HSD17B12: variants seen among roughly 807,000 people sequenced by gnomAD.
HSD17B12 encodes the protein very-long-chain 3-oxoacyl-CoA reductase.
A neutral mutation model predicts 39.3 loss-of-function variants in HSD17B12; 32 were observed. The observed-to-expected ratio is 0.81, with a 90% CI of 0.61 to 1.09. The LOEUF (loss-of-function observed/expected upper bound fraction) is 1.09. Ranked by LOEUF, HSD17B12 falls within the 50% of genes least tolerant of loss-of-function variation. The pLI is 0.00. For missense variants in HSD17B12, 342 were observed against 382.9 expected (o/e 0.89, Z 0.89); for synonymous variants, 150 against 146.7 (o/e 1.02, Z -0.16).
At chr11:43,734,079 A>G in intron 1 of HSD17B12, 1 of 997,144 alleles carries the variant, frequency 1.0e-6, no homozygotes, top group Admixed American at 1.7e-5. Context: ...TATCTTCACC[A>G]GCATCGGAGA....
At chr11:43,661,827 A>G in the HSD17B12 span, among the ~76,000 whole-genome samples, 13 of 152,334 alleles carry the variant, frequency 8.5e-5, no homozygotes, top group Non-Finnish European at 1.5e-4. Context: ...TTATATTGAA[A>G]TTATGATATG....
chr11:43,844,633 G>T (rs1163995542), intron 9 of HSD17B12, among the ~76,000 whole-genome samples: 1 of 152,118 alleles, frequency 6.6e-6, no homozygotes, highest in East Asian at 1.9e-4. Flanking sequence ...CTAGGTAGTG[G>T]GCCCTAGCCC....
the HSD17B12 span, among the ~76,000 whole-genome samples, chr11:43,573,979 T>C: frequency 2.0e-5 from 3 of 152,202 alleles, no homozygotes; most frequent in Non-Finnish European, 4.4e-5. Flanking sequence ...CTCCCTCTCA[T>C]TGATATTTCT....
chr11:43,683,462 C>A (rs1163253538), intron 1 of HSD17B12, among the ~76,000 whole-genome samples: 1 of 151,688 alleles, frequency 6.6e-6, no homozygotes, highest in Admixed American at 6.6e-5. Context: ...TCTTCAAATT[C>A]TGGGACTCTT....
At chr11:43,568,433 C>T in the HSD17B12 span, among the ~76,000 whole-genome samples, 2 of 152,150 alleles carry the variant, frequency 1.3e-5, no homozygotes, top group South Asian at 4.2e-4. Flanking sequence ...TTTAATTCAG[C>T]CCTCGAGGCA....
the HSD17B12 span, among the ~76,000 whole-genome samples, chr11:43,572,189 C>T: frequency 6.6e-6 from 1 of 152,168 alleles, no homozygotes. Context: ...ATGTCAAGTT[C>T]ACTGCATCTC....
chr11:43,665,741 A>G, the HSD17B12 span, among the ~76,000 whole-genome samples: 5 of 152,164 alleles, frequency 3.3e-5, no homozygotes, highest in Non-Finnish European at 5.9e-5. Flanking sequence ...TATTCCTGAT[A>G]TGCTTTGCTC....
the HSD17B12 span, among the ~76,000 whole-genome samples, chr11:43,647,310 C>G: frequency 3.3e-5 from 5 of 152,108 alleles, no homozygotes; most frequent in Admixed American, 2.0e-4. Flanking sequence ...GGGTCTTACT[C>G]TGTCACCCAG....
chr11:43,817,034 C>CTA (rs1190622271), intron 6 of HSD17B12, among the ~76,000 whole-genome samples: 89 of 17,538 alleles, frequency 5.1e-3, no homozygotes, highest in Middle Eastern at 0.071. Context: ...ATATCTATAT[C>CTA]TATATCTATA....
chr11:43,567,286 C>T, the HSD17B12 span, among the ~76,000 whole-genome samples: 21 of 152,302 alleles, frequency 1.4e-4, no homozygotes, highest in African/African-American at 5.1e-4. Context: ...TAAGCTCCAG[C>T]CTCAGCCTCC....
At chr11:43,616,422 AAAC>A in the HSD17B12 span, among the ~76,000 whole-genome samples, 38 of 138,954 alleles carry the variant, frequency 2.7e-4, 6 homozygotes, top group South Asian at 6.4e-4. Flanking sequence ...AAAAAACAAA[AAAC>A]AAAAAAAAAA....
At chr11:43,736,433 G>A (rs1013673729) in intron 1 of HSD17B12, among the ~76,000 whole-genome samples, 4 of 152,148 alleles carry the variant, frequency 2.6e-5, no homozygotes, top group African/African-American at 4.8e-5. Context: ...GTAAAGAGTC[G>A]AAGAGAGGGC....
rs143025111 is a variant in HSD17B12, at chr11:43,730,359, G to A, written c.161-20552G>A. Among the ~76,000 whole-genome samples, 539 of 152,282 alleles carry A rather than the reference G, an allele frequency of 3.5e-3. 2 individuals carry two copies. Among genetic ancestry groups the A allele is most frequent in the Non-Finnish European group, 5.6e-3 (384 of 68,014 alleles). On this transcript the variant is annotated intron_variant, in intron 1 of 10. Transcript: ENST00000278353. ...TTTATCTGGAAGTGAATTTCACTGA[G>A]TGTTCATTTTGAAAAGTCTGTTAGT...
At chr11:43,634,098 A>AAAAAAAAAAAAAAAAAAAAAAAAAAAT in the HSD17B12 span, among the ~76,000 whole-genome samples, 1 of 149,616 alleles carries the variant, frequency 6.7e-6, no homozygotes, top group South Asian at 2.1e-4. Context: ...AAAAAAAAAA[A>AAAAAAAAAAAAAAAAAAAAAAAAAAAT]AAAAAAAAAA....
At chr11:43,662,521 CAAAAA>C in the HSD17B12 span, among the ~76,000 whole-genome samples, 1 of 104,066 alleles carries the variant, frequency 9.6e-6, no homozygotes, top group African/African-American at 3.5e-5. Context: ...GGCCACATCT[CAAAAA>C]AAAAAAAAGA....
the HSD17B12 span, among the ~76,000 whole-genome samples, chr11:43,567,710 A>G: frequency 1.3e-5 from 2 of 152,232 alleles, no homozygotes; most frequent in African/African-American, 4.8e-5. Flanking sequence ...AAGGAAGATG[A>G]AACTGCAGAT....
chr11:43,695,258 G>A (rs138436627), intron 1 of HSD17B12, among the ~76,000 whole-genome samples: 1 of 152,190 alleles, frequency 6.6e-6, no homozygotes, highest in African/African-American at 2.4e-5. Context: ...GTGAGCCACC[G>A]TGTCCGGCCC....
At chr11:43,602,954 C>T in the HSD17B12 span, among the ~76,000 whole-genome samples, 1 of 152,050 alleles carries the variant, frequency 6.6e-6, no homozygotes, top group Non-Finnish European at 1.5e-5. Context: ...GAGCTTGTTT[C>T]ATTTCAAAGA....
At chr11:43,666,829 A>G in the HSD17B12 span, among the ~76,000 whole-genome samples, 1 of 152,260 alleles carries the variant, frequency 6.6e-6, no homozygotes, top group Non-Finnish European at 1.5e-5. Flanking sequence ...ACAGGGCAAC[A>G]TGAGACGATT....
Sources: allele counts gnomAD v4.1 joint callset (sites outside exome capture counted in the v4.1 genomes callset), GRCh38; gene constraint gnomAD v4.1.1; transcripts MANE v1.5; gene names NCBI Gene and HGNC (gene_info 2026-07-23, HGNC 2026-07-21).